The following CACNA1E variants were observed in gnomAD, a reference collection of about 807,000 sequenced individuals.
CACNA1E encodes the protein calcium voltage-gated channel subunit alpha1 E, also known as voltage-dependent R-type calcium channel subunit alpha-1E.
CACNA1E carries 40 observed loss-of-function variants against 259.2 expected under a neutral mutation model. The observed-to-expected ratio is 0.15, with a 90% CI of 0.12 to 0.20. The LOEUF (loss-of-function observed/expected upper bound fraction) is 0.20. Among genes scored for constraint, CACNA1E ranks in the 10% least tolerant of loss-of-function variants. CACNA1E has a pLI of 1.00. For missense variants in CACNA1E, 1,874 were observed against 3,040.1 expected (o/e 0.62, Z 9.02); for synonymous variants, 1,104 against 1,138.5 (o/e 0.97, Z 0.61).
At chr1:181,661,597 G>A (rs762295135) in intron 7 of CACNA1E, among the ~76,000 whole-genome samples, 8 of 152,152 alleles carry the variant, frequency 5.3e-5, no homozygotes, top group South Asian at 2.1e-4. Flanking sequence ...ATGAGAAAGC[G>A]TAACACACTT....
chr1:181,721,931 G>A, intron 16 of CACNA1E, 56 bp downstream of exon 16: 1 of 1,129,572 alleles, frequency 8.9e-7, no homozygotes, highest in Non-Finnish European at 1.4e-6. Flanking sequence ...ACCAGCATTT[G>A]AGGAGGCATT....
intron 38 of CACNA1E, among the ~76,000 whole-genome samples, chr1:181,778,962 A>G (rs1406683930): frequency 6.6e-6 from 1 of 152,212 alleles, no homozygotes; most frequent in Non-Finnish European, 1.5e-5. Flanking sequence ...GACTGCAGAA[A>G]GCCGCTGACT....
At chr1:181,515,037 A>G (rs1666463948) in intron 3 of CACNA1E, among the ~76,000 whole-genome samples, 1 of 152,136 alleles carries the variant, frequency 6.6e-6, no homozygotes, top group Admixed American at 6.5e-5. Flanking sequence ...TTGAGACCAC[A>G]TCTCCTGGCT....
At chr1:181,703,809 G>A (rs1652517019) in intron 7 of CACNA1E, among the ~76,000 whole-genome samples, 1 of 149,034 alleles carries the variant, frequency 6.7e-6, no homozygotes, top group Non-Finnish European at 1.5e-5. Flanking sequence ...CTTATGGAAA[G>A]CCGGTCTTGG....
chr1:181,760,323 T>A (rs2102706448), intron 32 of CACNA1E, among the ~76,000 whole-genome samples: 1 of 152,354 alleles, frequency 6.6e-6, no homozygotes, highest in Non-Finnish European at 1.5e-5. Flanking sequence ...CCACTAATTC[T>A]GATAAGTCTT....
At chr1:181,781,647 G>A in intron 39 of CACNA1E, 124 bp downstream of exon 39, 3 of 672,786 alleles carry the variant, frequency 4.5e-6, no homozygotes, top group Non-Finnish European at 8.1e-6. Context: ...AAGGAGGAAA[G>A]GCACGATGAG....
intron 3 of CACNA1E, among the ~76,000 whole-genome samples, chr1:181,521,854 G>A (rs1009151320): frequency 1.3e-5 from 2 of 152,096 alleles, no homozygotes; most frequent in Non-Finnish European, 2.9e-5. Flanking sequence ...GGACAGTTGT[G>A]CAGGGCTAGA....
chr1:181,695,955 T>C (rs1053499396), intron 7 of CACNA1E, among the ~76,000 whole-genome samples: 24 of 152,132 alleles, frequency 1.6e-4, no homozygotes, highest in African/African-American at 5.6e-4. Context: ...ACCCTGTCTC[T>C]AATAAATAAA....
intron 2 of CACNA1E, among the ~76,000 whole-genome samples, chr1:181,436,450 T>C (rs1458166734): frequency 6.6e-6 from 1 of 152,242 alleles, no homozygotes; most frequent in Non-Finnish European, 1.5e-5. Flanking sequence ...AGCTAAGATA[T>C]GCAAGCAAGC....
intron 1 of CACNA1E, among the ~76,000 whole-genome samples, chr1:181,327,036 C>A (rs1339777184): frequency 6.6e-6 from 1 of 152,200 alleles, no homozygotes; most frequent in Non-Finnish European, 1.5e-5. Flanking sequence ...CCATGCTTAC[C>A]TCTGACACTG....
At chr1:181,502,667 C>G (rs1465261667) in intron 1 of CACNA1E, among the ~76,000 whole-genome samples, 2 of 152,126 alleles carry the variant, frequency 1.3e-5, no homozygotes, top group Non-Finnish European at 1.5e-5. Flanking sequence ...GCTGGACTGG[C>G]CAGGGCTGTT....
intron 26 of CACNA1E, chr1:181,751,885 G>A (rs954418101): frequency 1.6e-6 from 1 of 618,266 alleles, no homozygotes; most frequent in African/African-American, 1.8e-5. Context: ...ATGTTCCTCT[G>A]TGTGTGTATA....
intron 1 of CACNA1E, among the ~76,000 whole-genome samples, chr1:181,355,667 T>G (rs77574762): frequency 0.022 from 3,284 of 152,064 alleles, 117 homozygotes; most frequent in African/African-American, 0.076. Flanking sequence ...TTAGCCCAGG[T>G]CCCATGATTA....
intron 1 of CACNA1E, among the ~76,000 whole-genome samples, chr1:181,400,477 G>A (rs954002261): frequency 6.6e-6 from 1 of 152,006 alleles, no homozygotes; most frequent in Non-Finnish European, 1.5e-5. Flanking sequence ...TTGTCTGTGG[G>A]CATTGACACC....
At chr1:181,383,383 T>C (rs1655606842) in intron 1 of CACNA1E, among the ~76,000 whole-genome samples, 1 of 152,224 alleles carries the variant, frequency 6.6e-6, no homozygotes, top group South Asian at 2.1e-4. Flanking sequence ...TAAGATTCCC[T>C]GGTGAATGCT....
chr1:181,419,982 T>C (rs1489591041), intron 2 of CACNA1E, among the ~76,000 whole-genome samples: 3 of 152,168 alleles, frequency 2.0e-5, no homozygotes, highest in African/African-American at 7.2e-5. Flanking sequence ...TCCCTTTGGC[T>C]CTAGGACAGG....
At chr1:181,677,279 T>C (rs967981697) in intron 7 of CACNA1E, among the ~76,000 whole-genome samples, 1 of 152,210 alleles carries the variant, frequency 6.6e-6, no homozygotes, top group East Asian at 1.9e-4. Context: ...TTTATTTATC[T>C]AACTCCAGTA....
chr1:181,538,151 A>G (rs1397725768), intron 3 of CACNA1E, among the ~76,000 whole-genome samples: 1 of 152,328 alleles, frequency 6.6e-6, no homozygotes, highest in Non-Finnish European at 1.5e-5. Flanking sequence ...TACCAGCTCA[A>G]TATTTAAAAT....
intron 1 of CACNA1E, among the ~76,000 whole-genome samples, chr1:181,502,855 T>A (rs1026743963): frequency 6.6e-6 from 1 of 152,166 alleles, no homozygotes; most frequent in African/African-American, 2.4e-5. Flanking sequence ...CCCACCACCA[T>A]GTCTGGCTAA....
Sources: gnomAD v4.1 joint callset for allele counts (sites outside exome capture counted in the v4.1 genomes callset) on GRCh38, gnomAD v4.1.1 for gene constraint, MANE v1.5 for transcripts, NCBI Gene and HGNC (gene_info 2026-07-23, HGNC 2026-07-21) for gene names.